RELN: variants seen among roughly 807,000 people sequenced by gnomAD.
The protein encoded by RELN is reelin.
RELN carries 108 observed loss-of-function variants against 427.6 expected under a neutral mutation model. That is an observed-to-expected ratio of 0.25 (90% CI 0.22 to 0.30). The LOEUF (loss-of-function observed/expected upper bound fraction) is 0.30, where lower values mean the gene tolerates loss of function less well. Ranked by LOEUF, RELN falls within the 10% of genes least tolerant of loss-of-function variation. The pLI is 1.00. For missense variants in RELN, 3,715 were observed against 4,302.8 expected, an observed-to-expected ratio of 0.86 and a Z score of 3.82; for synonymous variants, 1,524 against 1,513.4, an observed-to-expected ratio of 1.01 and a Z score of -0.16.
At chr7:103,931,510 C>T (rs1398998785) in intron 1 of RELN, among the ~76,000 whole-genome samples, 3 of 152,080 alleles carry the variant, frequency 2.0e-5, no homozygotes, top group Non-Finnish European at 2.9e-5. Flanking sequence ...ATGTCTGATC[C>T]CTCATTGCAT....
At chr7:103,730,948 C>A (rs1212762711) in intron 6 of RELN, among the ~76,000 whole-genome samples, 1 of 152,112 alleles carries the variant, frequency 6.6e-6, no homozygotes, top group East Asian at 1.9e-4. Context: ...TGAGGGCTCA[C>A]AGGCACTGCA....
rs142427221 is a variant in RELN, at chr7:103,726,165, C to T, written c.753+1946G>A. 5.3e-4 allele frequency among the ~76,000 whole-genome samples: 81 copies of T among 152,170 alleles called. 1 individual carries two copies. The highest frequency in any genetic ancestry group is 1.9e-3 in the African/African-American group (79 of 41,540). ...ATTGAATATAATGTTAACTGAAAAC[C>T]GAATTCCTCACTTTTCATTTGATTG... On this transcript the variant is annotated intron_variant, in intron 7 of 64. Coordinates refer to ENST00000428762, the MANE Select transcript of RELN (RefSeq NM_005045.4).
chr7:103,508,175 C>A (rs1292586689), intron 51 of RELN, among the ~76,000 whole-genome samples: 1 of 152,188 alleles, frequency 6.6e-6, no homozygotes, highest in Non-Finnish European at 1.5e-5. Context: ...TCCCCCCTAA[C>A]TCATTTTATG....
At chr7:103,647,171 C>T (rs961949190) in intron 16 of RELN, among the ~76,000 whole-genome samples, 1 of 151,996 alleles carries the variant, frequency 6.6e-6, no homozygotes, top group Non-Finnish European at 1.5e-5. Flanking sequence ...CCCACTTTCA[C>T]CACTCCTATT....
intron 2 of RELN, among the ~76,000 whole-genome samples, chr7:103,902,940 C>T (rs759545345): frequency 6.6e-6 from 1 of 152,072 alleles, no homozygotes; most frequent in Non-Finnish European, 1.5e-5. Context: ...GAAGCAATAA[C>T]ATTACACAAT....
At chr7:103,742,954 T>G (rs1440141652) in intron 6 of RELN, among the ~76,000 whole-genome samples, 1 of 151,502 alleles carries the variant, frequency 6.6e-6, no homozygotes, top group Non-Finnish European at 1.5e-5. Flanking sequence ...GCAAGACACA[T>G]AATTGTCAGA....
Position 103,496,731 on chromosome 7 carries a change from C to T in RELN, c.8988G>A (p.Gln2996=), listed in dbSNP as rs1828853336. 6.2e-7 allele frequency: 1 copy of T among 1,614,076 alleles called. No individual in the cohort carries two copies. Among genetic ancestry groups the T allele is most frequent in the South Asian group, 1.1e-5 (1 of 91,080 alleles). ...AGTCGTGTCTAACAGAAATGTATTT[C>T]TGGTAATCCATCTCATGGAGCAAAG... The part of the protein sequence containing the change: ...TWTLLHEMDY[Q]KYISVRHDYI... Residue 2996 remains glutamine, a synonymous_variant, in exon 56 of 65, where the codon CAG becomes CAA. Coordinates refer to ENST00000428762, the MANE Select transcript of RELN (RefSeq NM_005045.4).
At position 103,738,672 on chromosome 7, in the gene RELN, C is replaced by CTT. The variant is rs57390524; in HGVS notation, c.657-10467_657-10466dup. Among the ~76,000 whole-genome samples the CTT allele has an allele frequency of 8.3e-3, 583 of 70,534 alleles. 75 individuals are homozygous for CTT. Among genetic ancestry groups the CTT allele is most frequent in the African/African-American group, 0.032 (495 of 15,330 alleles). 46.3% of individuals were successfully genotyped at this position (70,534 alleles called of 152,430 possible). On this transcript the variant is annotated intron_variant, in intron 6 of 64. Coordinates refer to ENST00000428762, the MANE Select transcript of RELN (RefSeq NM_005045.4). ...TCTGGCATCTTTCCTTCCTTCCTTC[C>CTT]TTTTTTTTTTTTTTTTTTTTTTTTT... is the stretch of plus-strand genomic sequence containing the variant.
intron 1 of RELN, among the ~76,000 whole-genome samples, chr7:103,950,271 T>C (rs971042384): frequency 3.9e-5 from 6 of 152,202 alleles, no homozygotes; most frequent in African/African-American, 1.4e-4. Context: ...ATTTAACATA[T>C]GAATTTGGGG....
intron 13 of RELN, among the ~76,000 whole-genome samples, chr7:103,653,763 A>G (rs921342555): frequency 6.6e-6 from 1 of 152,022 alleles, no homozygotes; most frequent in Non-Finnish European, 1.5e-5. Context: ...AATACTCATT[A>G]TGACTGACAG....
At chr7:103,522,853 C>CACACACACAGACACACACACACACACA (rs1189048440) in intron 47 of RELN, among the ~76,000 whole-genome samples, 628 of 22,136 alleles carry the variant, frequency 0.028, 4 homozygotes, top group African/African-American at 0.1. Flanking sequence ...ACACACACAC[C>CACACACACAGACACACACACACACACA]CCCACACCTT....
At chr7:103,923,699 G>T (rs923375002) in intron 1 of RELN, among the ~76,000 whole-genome samples, 1 of 152,132 alleles carries the variant, frequency 6.6e-6, no homozygotes, top group Non-Finnish European at 1.5e-5. Context: ...CGATGAGGAA[G>T]TAGCTGGCTG....
intron 8 of RELN, among the ~76,000 whole-genome samples, chr7:103,719,227 C>T (rs1480349966): frequency 6.6e-6 from 1 of 152,080 alleles, no homozygotes; most frequent in Non-Finnish European, 1.5e-5. Flanking sequence ...GCTACCAGGC[C>T]CAGTTCCTCT....
intron 46 of RELN, among the ~76,000 whole-genome samples, chr7:103,531,868 C>T (rs545360989): frequency 2.0e-5 from 3 of 152,302 alleles, no homozygotes; most frequent in Admixed American, 6.5e-5. Context: ...TTAGTTCAAC[C>T]ATTGTGGAAG....
intron 28 of RELN, among the ~76,000 whole-genome samples, chr7:103,587,423 T>A (rs1172222329): frequency 1.3e-5 from 2 of 152,036 alleles, no homozygotes; most frequent in African/African-American, 2.4e-5. Context: ...ACTACAAAAA[T>A]TCTAGAAGAA....
At chr7:103,780,029 G>A (rs1251740685) in intron 3 of RELN, among the ~76,000 whole-genome samples, 2 of 152,108 alleles carry the variant, frequency 1.3e-5, no homozygotes, top group Non-Finnish European at 2.9e-5. Flanking sequence ...CCCGGCCCAG[G>A]GCCTGATCTT....
At chr7:103,492,165 C>A in intron 57 of RELN, 139 bp from the exon 58 acceptor site, 1 of 712,802 alleles carries the variant, frequency 1.4e-6, no homozygotes, top group Non-Finnish European at 2.5e-6. Context: ...GCTGGGATAC[C>A]AAGAATACAT....
At chr7:103,907,102 C>A (rs1795223750) in intron 2 of RELN, among the ~76,000 whole-genome samples, 1 of 151,818 alleles carries the variant, frequency 6.6e-6, no homozygotes, top group African/African-American at 2.4e-5. Context: ...CAGGATAAAC[C>A]TTGAAAACAT....
At chr7:103,945,072 AGAT>A (rs1796192855) in intron 1 of RELN, among the ~76,000 whole-genome samples, 1 of 152,214 alleles carries the variant, frequency 6.6e-6, no homozygotes, top group African/African-American at 2.4e-5. Context: ...TACAATTACA[AGAT>A]GAATTGTGAC....
Sources: allele counts gnomAD v4.1 joint callset (sites outside exome capture counted in the v4.1 genomes callset), GRCh38; gene constraint gnomAD v4.1.1; transcripts MANE v1.5; gene names NCBI Gene and HGNC (gene_info 2026-07-23, HGNC 2026-07-21).